Variants in TSHR observed in about 807,000 individuals in gnomAD.
TSHR encodes thyroid stimulating hormone receptor.
A neutral mutation model predicts 64.1 loss-of-function variants in TSHR; 51 were observed. That is an observed-to-expected ratio of 0.80 (90% CI 0.64 to 1.01). TSHR has a LOEUF of 1.01. Among genes scored for constraint, TSHR ranks in the 50% least tolerant of loss-of-function variants. The pLI is 0.00. For synonymous variants in TSHR, 361 were observed against 361.9 expected, an observed-to-expected ratio of 1.00 and a Z score of 0.03; for missense variants, 877 against 942.8, an observed-to-expected ratio of 0.93 and a Z score of 0.91.
intron 4 of TSHR, among the ~76,000 whole-genome samples, chr14:81,088,899 G>T (rs1432139652): frequency 6.6e-6 from 1 of 151,574 alleles, no homozygotes; most frequent in Non-Finnish European, 1.5e-5. Flanking sequence ...TGGGGAGATA[G>T]AAAAGAAATT....
At chr14:81,023,447 G>T (rs769713024) in intron 1 of TSHR, among the ~76,000 whole-genome samples, 3 of 152,060 alleles carry the variant, frequency 2.0e-5, no homozygotes, top group Non-Finnish European at 4.4e-5. Flanking sequence ...CCTTTCCAGG[G>T]TACTGGGTGT....
Position 81,015,220 on chromosome 14 carries a change from G to A in TSHR, c.171-46928G>A, listed in dbSNP as rs560466758. On this transcript the variant is annotated intron_variant, in intron 1 of 9. Coordinates refer to ENST00000298171, the MANE Select transcript of TSHR (RefSeq NM_000369.5). ...TTTTCTTGCCATGAAGTTTTACACT[G>A]TATCTAGAAAGTTTCTTTGAAAAAT... Among the ~76,000 whole-genome samples the A allele has an allele frequency of 2.6e-5, 4 of 152,130 alleles. No homozygotes were observed. In the East Asian group the frequency reaches 7.7e-4, roughly 29 times the overall value.
intron 8 of TSHR, among the ~76,000 whole-genome samples, chr14:81,122,177 G>T (rs1265304100): frequency 6.6e-6 from 1 of 150,392 alleles, no homozygotes; most frequent in Non-Finnish European, 1.5e-5. Context: ...CCAAGTAGCT[G>T]GGATTACAGG....
chr14:81,101,737 A>G (rs1389248185), intron 7 of TSHR, among the ~76,000 whole-genome samples: 1 of 152,168 alleles, frequency 6.6e-6, no homozygotes, highest in African/African-American at 2.4e-5. Context: ...CACCATCTAG[A>G]CACACCAAGA....
intron 8 of TSHR, 135 bp from the exon 9 acceptor site, chr14:81,139,544 A>C (rs1426792109): frequency 2.2e-6 from 2 of 915,398 alleles, no homozygotes; most frequent in Non-Finnish European, 3.5e-6. Context: ...CCAGAAGCTC[A>C]GCTTATGTAC....
chr14:81,026,135 A>C (rs1884038332), intron 1 of TSHR, among the ~76,000 whole-genome samples: 1 of 152,218 alleles, frequency 6.6e-6, no homozygotes, highest in Non-Finnish European at 1.5e-5. Context: ...GAGAAACTGA[A>C]TGATAAGCAG....
At chr14:81,098,967 T>G (rs1241597588) in intron 7 of TSHR, among the ~76,000 whole-genome samples, 1 of 152,198 alleles carries the variant, frequency 6.6e-6, no homozygotes, top group Non-Finnish European at 1.5e-5. Context: ...ATTTAGTCAT[T>G]GGAAGATATG....
chr14:81,092,434 A>C, intron 5 of TSHR, 97 bp from the exon 6 acceptor site: 3 of 1,084,978 alleles, frequency 2.8e-6, no homozygotes, highest in Non-Finnish European at 2.9e-6. Flanking sequence ...ATTAAGCTAT[A>C]TTGTGTCCTG....
chr14:80,986,011 C>T (rs777432682), intron 1 of TSHR, among the ~76,000 whole-genome samples: 1 of 152,168 alleles, frequency 6.6e-6, no homozygotes, highest in Non-Finnish European at 1.5e-5. Context: ...CTGAGGCTGG[C>T]GATTCCTTCC....
At chr14:81,130,897 A>G (rs1419598948) in intron 8 of TSHR, among the ~76,000 whole-genome samples, 1 of 119,462 alleles carries the variant, frequency 8.4e-6, no homozygotes, top group Non-Finnish European at 1.6e-5. Context: ...AGGCTGAGGC[A>G]GGAGAATGGC....
At chr14:81,025,597 A>G (rs1884008706) in intron 1 of TSHR, among the ~76,000 whole-genome samples, 1 of 152,218 alleles carries the variant, frequency 6.6e-6, no homozygotes, top group Non-Finnish European at 1.5e-5. Context: ...ACAATACATT[A>G]AACTGGGAGC....
intron 1 of TSHR, among the ~76,000 whole-genome samples, chr14:81,044,268 G>A (rs892490483): frequency 8.5e-5 from 13 of 152,204 alleles, no homozygotes; most frequent in Admixed American, 3.3e-4. Flanking sequence ...AATGGGCAAA[G>A]GACAGGAATG....
In TSHR at chr14:81,145,770, T is replaced by C. The variant is rs2288496; in HGVS notation, c.*1417T>C. On this transcript the variant is annotated 3_prime_UTR_variant, in exon 10 of 10. Coordinates refer to ENST00000298171, the MANE Select transcript of TSHR (RefSeq NM_000369.5). ...TTTTCCCCAATAATTCTTCTTTACT[T>C]AAAATAGTCAGGATCTTTATCTACA... The C allele has an allele frequency of 0.4, 93,830 of 232,640 alleles. 20,867 individuals are homozygous for C. The highest frequency in any genetic ancestry group is 0.49 in the Non-Finnish European group (57,666 of 117,772). 14.4% of individuals were successfully genotyped at this position (232,640 alleles called of 1,614,324 possible).
intron 3 of TSHR, 71 bp downstream of exon 3, chr14:81,068,399 G>A (rs2139911055): frequency 1.4e-6 from 2 of 1,416,088 alleles, no homozygotes; most frequent in Admixed American, 1.7e-5. Flanking sequence ...TGGGGCTCCA[G>A]ATGGCAATGG....
intron 6 of TSHR, among the ~76,000 whole-genome samples, chr14:81,093,948 C>T (rs7159477): frequency 0.26 from 38,754 of 151,746 alleles, 7,363 homozygotes; most frequent in African/African-American, 0.54. Flanking sequence ...GACACCATTT[C>T]TCTAAAACCC....
chr14:81,144,262 T>C lies in TSHR; in HGVS notation c.2204T>C (p.Met735Thr), dbSNP rs1000765116. Residue 735 changes from methionine to threonine, a missense_variant, in exon 10 of 10, where the codon ATG becomes ACG. By Grantham distance (81) the Met-to-Thr change is moderately conservative. Transcript: ENST00000298171. ...THEMRQGLHN[M>T]EDVYELIENS... ...GAGATGAGGCAGGGTCTCCACAACA[T>C]GGAAGATGTCTATGAACTGATTGAA... 4 of 1,613,902 alleles carry C rather than the reference T, an allele frequency of 2.5e-6. No homozygotes were observed. Among genetic ancestry groups the C allele is most frequent in the Non-Finnish European group, 3.4e-6 (4 of 1,179,984 alleles).
intron 8 of TSHR, among the ~76,000 whole-genome samples, chr14:81,121,669 C>T (rs1030700296): frequency 1.3e-5 from 2 of 152,062 alleles, no homozygotes; most frequent in South Asian, 4.1e-4. Context: ...TGGCTGGGCA[C>T]GGTGTATCAT....
intron 8 of TSHR, among the ~76,000 whole-genome samples, chr14:81,115,988 T>G (rs184846764): frequency 6.6e-6 from 1 of 151,922 alleles, no homozygotes. Flanking sequence ...GCTGAGAGAT[T>G]TTCTCACCAC....
intron 1 of TSHR, among the ~76,000 whole-genome samples, chr14:80,988,476 G>GATCT (rs536573109): frequency 5.3e-5 from 8 of 152,280 alleles, no homozygotes; most frequent in Admixed American, 5.2e-4. Context: ...TACCCACCAT[G>GATCT]ATCTAATCAC....
Sources: gnomAD v4.1 joint callset for allele counts (sites outside exome capture counted in the v4.1 genomes callset) on GRCh38, gnomAD v4.1.1 for gene constraint, MANE v1.5 for transcripts, NCBI Gene and HGNC (gene_info 2026-07-23, HGNC 2026-07-21) for gene names.